RBFOX1: variants seen among roughly 807,000 people sequenced by gnomAD.
RBFOX1 encodes RNA binding fox-1 homolog 1.
A neutral mutation model predicts 57.7 loss-of-function variants in RBFOX1; 8 were observed. The observed-to-expected ratio is 0.14, with a 90% CI of 0.08 to 0.25. RBFOX1 has a LOEUF of 0.25. RBFOX1 is among the 10% of genes least tolerant of loss of function. RBFOX1 has a pLI of 1.00. For synonymous variants in RBFOX1, 326 were observed against 222.4 expected (o/e 1.47, Z -4.15); for missense variants, 611 against 548.5 (o/e 1.11, Z -1.14).
chr16:7,120,452 C>G (rs576872484), intron 4 of RBFOX1, among the ~76,000 whole-genome samples: 1 of 151,782 alleles, frequency 6.6e-6, no homozygotes, highest in Non-Finnish European at 1.5e-5. Flanking sequence ...GCAGAGATGA[C>G]AAAAATTACA....
At chr16:6,470,684 G>T (rs1044112192) in intron 2 of RBFOX1, among the ~76,000 whole-genome samples, 3 of 152,226 alleles carry the variant, frequency 2.0e-5, no homozygotes, top group Admixed American at 6.5e-5. Context: ...CCAGGTATTT[G>T]TCTGATGCCC....
intron 4 of RBFOX1, among the ~76,000 whole-genome samples, chr16:7,108,644 G>A (rs2064057338): frequency 6.6e-6 from 1 of 152,112 alleles, no homozygotes; most frequent in Admixed American, 6.6e-5. Flanking sequence ...AGTCTACCCT[G>A]AGCATAGGAG....
At chr16:7,014,058 C>G (rs1198253357) in intron 3 of RBFOX1, among the ~76,000 whole-genome samples, 3 of 152,124 alleles carry the variant, frequency 2.0e-5, no homozygotes. Flanking sequence ...AGTATTCACT[C>G]AGTATATTAA....
At chr16:6,256,113 C>A (rs7187537) in intron 1 of RBFOX1, among the ~76,000 whole-genome samples, 111,246 of 118,898 alleles carry the variant, frequency 0.94, 52,656 homozygotes, top group Non-Finnish European at 1. Flanking sequence ...ATAGCAGTCT[C>A]TTATCTGTAA....
chr16:7,519,498 A>G (rs750314096), intron 5 of RBFOX1, among the ~76,000 whole-genome samples: 1 of 152,226 alleles, frequency 6.6e-6, no homozygotes, highest in Non-Finnish European at 1.5e-5. Flanking sequence ...TTTTATCATC[A>G]CTGTAAATGA....
chr16:6,993,547 G>A lies in RBFOX1; in HGVS notation c.-15-58510G>A, dbSNP rs118133849. Among the ~76,000 whole-genome samples, 12 of 152,258 alleles carry A rather than the reference G, an allele frequency of 7.9e-5. No individual in the cohort carries two copies. The East Asian group carries it at 2.3e-3, about 30-fold the overall frequency. On this transcript the variant is annotated intron_variant, in intron 3 of 15. Coordinates refer to ENST00000550418, the MANE Select transcript of RBFOX1 (RefSeq NM_018723.4). The stretch of plus-strand genomic sequence containing the variant: ...CCTGGTTAAAGGTCCTTTCCCCTTT[G>A]TAATTTTATTCTACATAGGGAGGCA...
intron 4 of RBFOX1, among the ~76,000 whole-genome samples, chr16:7,514,154 A>C (rs1198926241): frequency 6.6e-6 from 1 of 152,228 alleles, no homozygotes; most frequent in African/African-American, 2.4e-5. Context: ...TGGGCTGGGC[A>C]GTCTCTGTCA....
At chr16:5,473,903 G>C (rs1362803119) in intron 2 of RBFOX1, among the ~76,000 whole-genome samples, 2 of 136,530 alleles carry the variant, frequency 1.5e-5, no homozygotes, top group Admixed American at 1.5e-4. Context: ...TAAATGGATG[G>C]AATGAAGGAA....
intron 4 of RBFOX1, among the ~76,000 whole-genome samples, chr16:7,164,254 T>C (rs1460753288): frequency 1.3e-5 from 2 of 152,178 alleles, no homozygotes; most frequent in African/African-American, 4.8e-5. Flanking sequence ...CCTAGAATAA[T>C]GGTTTTCAGC....
chr16:6,235,163 CTCT>C (rs1292202365), intron 1 of RBFOX1, among the ~76,000 whole-genome samples: 2 of 152,178 alleles, frequency 1.3e-5, no homozygotes, highest in African/African-American at 2.4e-5. Flanking sequence ...TTCTTGTTGG[CTCT>C]TCTTGCATTC....
chr16:6,579,009 C>G (rs573378055), intron 2 of RBFOX1, among the ~76,000 whole-genome samples: 6 of 152,002 alleles, frequency 3.9e-5, no homozygotes, highest in African/African-American at 1.4e-4. Flanking sequence ...TTTATGTAAC[C>G]AAACACCACC....
intron 1 of RBFOX1, among the ~76,000 whole-genome samples, chr16:6,085,064 C>G (rs915195817): frequency 1.3e-5 from 2 of 152,122 alleles, no homozygotes; most frequent in Non-Finnish European, 2.9e-5. Flanking sequence ...TTCACTCATC[C>G]AAAGCTGTCT....
intron 4 of RBFOX1, among the ~76,000 whole-genome samples, chr16:7,317,421 A>G (rs1350555247): frequency 6.6e-6 from 1 of 152,144 alleles, no homozygotes; most frequent in Admixed American, 6.5e-5. Context: ...TCTGAACTCT[A>G]CCATCACCAC....
chr16:6,680,120 G>A (rs1295932543), intron 3 of RBFOX1, among the ~76,000 whole-genome samples: 1 of 151,774 alleles, frequency 6.6e-6, no homozygotes, highest in Non-Finnish European at 1.5e-5. Flanking sequence ...TGTAAAATGG[G>A]GTCATAGAAG....
chr16:6,727,356 A>G (rs1055049476), intron 3 of RBFOX1, among the ~76,000 whole-genome samples: 2 of 152,142 alleles, frequency 1.3e-5, no homozygotes, highest in African/African-American at 4.8e-5. Context: ...GAAACTATCT[A>G]AAGAATATTT....
At chr16:7,594,847 G>A (rs926263027) in intron 7 of RBFOX1, among the ~76,000 whole-genome samples, 1 of 152,144 alleles carries the variant, frequency 6.6e-6, no homozygotes, top group South Asian at 2.1e-4. Flanking sequence ...TGAAGAGTGG[G>A]GAAAGTATGA....
At chr16:5,743,624 G>T (rs2052863002) in intron 3 of RBFOX1, among the ~76,000 whole-genome samples, 1 of 152,110 alleles carries the variant, frequency 6.6e-6, no homozygotes, top group African/African-American at 2.4e-5. Context: ...TGGCTACTGG[G>T]AAATTAAAAA....
chr16:7,258,740 A>G (rs1433115756), intron 4 of RBFOX1, among the ~76,000 whole-genome samples: 1 of 152,202 alleles, frequency 6.6e-6, no homozygotes, highest in African/African-American at 2.4e-5. Flanking sequence ...TCTCCCCATT[A>G]CTAACCTCAA....
chr16:6,350,444 G>GAAAAAAAAAAAAAAAAAAAAAA (rs569363563), intron 2 of RBFOX1, among the ~76,000 whole-genome samples: 2 of 74,666 alleles, frequency 2.7e-5, no homozygotes, highest in Non-Finnish European at 4.9e-5. Flanking sequence ...TCTGTCTCAA[G>GAAAAAAAAAAAAAAAAAAAAAA]AAAAAAAAAA....
Sources: allele counts gnomAD v4.1 joint callset (sites outside exome capture counted in the v4.1 genomes callset), GRCh38; gene constraint gnomAD v4.1.1; transcripts MANE v1.5; gene names NCBI Gene and HGNC (gene_info 2026-07-23, HGNC 2026-07-21).